The following ACSS2 variants were observed in gnomAD, a reference collection of about 807,000 sequenced individuals.
ACSS2 encodes the protein acetyl-coenzyme A synthetase, cytoplasmic.
In ACSS2, 58 loss-of-function variants were observed where a neutral mutation model predicts 90.6. The ratio of observed to expected loss-of-function variants is 0.64; its 90% CI spans 0.52 to 0.80. The LOEUF (loss-of-function observed/expected upper bound fraction) is 0.80. Among genes scored for constraint, ACSS2 ranks in the 30% least tolerant of loss-of-function variants. ACSS2 has a pLI of 0.00. For synonymous variants in ACSS2, 300 were observed against 330.9 expected, an observed-to-expected ratio of 0.91 and a Z score of 1.01; for missense variants, 759 against 912.0, an observed-to-expected ratio of 0.83 and a Z score of 2.16.
In ACSS2 at chr20:34,927,116, A is replaced by T. The variant is rs60098280; in HGVS notation, c.2008A>T (p.Ile670Phe). 6.2e-7 allele frequency: 1 copy of T among 1,614,148 alleles called. No individual in the cohort carries two copies. Among genetic ancestry groups the T allele is most frequent in the Non-Finnish European group, 8.5e-7 (1 of 1,180,008 alleles). ...GKIMRRVLRKIAQNDHDLGDM... is the reference protein window; with the variant it reads ...GKIMRRVLRKFAQNDHDLGDM... ...AATCATGAGGCGAGTGCTTCGGAAG[A>T]TTGCTCAGAATGACCATGACCTCGG... is the stretch of plus-strand genomic sequence containing the variant. Residue 670 changes from isoleucine (I) to phenylalanine (F), a missense_variant, in exon 18 of 18, where the codon ATT (isoleucine) becomes TTT (phenylalanine). Physicochemically the swap from Ile to Phe is conservative, Grantham distance 21. Coordinates refer to ENST00000360596, the MANE Select transcript of ACSS2 (RefSeq NM_018677.4). The surrounding 1 kb of genome is among the most constrained non-coding windows in gnomAD (Gnocchi z 4.2).
intron 2 of ACSS2, among the ~76,000 whole-genome samples, chr20:34,903,158 A>G (rs1468007655): frequency 6.6e-6 from 1 of 152,058 alleles, no homozygotes; most frequent in African/African-American, 2.4e-5. Flanking sequence ...ACTGGCTAAC[A>G]TGGTAAAACT....
intron 7 of ACSS2, among the ~76,000 whole-genome samples, chr20:34,918,406 A>C (rs1445665067): frequency 6.6e-6 from 1 of 152,230 alleles, no homozygotes; most frequent in Non-Finnish European, 1.5e-5. Flanking sequence ...GTGTTCAAAG[A>C]GGTGATATAG....
intron 2 of ACSS2, among the ~76,000 whole-genome samples, chr20:34,891,945 C>G (rs1176595486): frequency 1.3e-5 from 2 of 152,192 alleles, no homozygotes; most frequent in African/African-American, 4.8e-5. Flanking sequence ...TATCAGCTAC[C>G]TGAGTTTGTG....
chr20:34,879,106 G>A (rs995601844), intron 1 of ACSS2, among the ~76,000 whole-genome samples: 1 of 151,476 alleles, frequency 6.6e-6, no homozygotes, highest in African/African-American at 2.4e-5. Flanking sequence ...GGCTTTCACC[G>A]TGTTAGCCAG....
In ACSS2 at chr20:34,921,615, C is replaced by A; in HGVS notation, c.1467+15C>A. ...CCGGTTCTGCTGTGAGTGATGCTTCCCTGGCTGGTCTTGGGCTAGGCAGGG... is the reference window on the plus strand; with the variant it reads ...CCGGTTCTGCTGTGAGTGATGCTTCACTGGCTGGTCTTGGGCTAGGCAGGG... On this transcript the variant is annotated intron_variant, in intron 12 of 17. Transcript: ENST00000360596. The A allele has an allele frequency of 6.2e-7, 1 of 1,614,180 alleles. No homozygotes were observed. Among genetic ancestry groups the A allele is most frequent in the South Asian group, 1.1e-5 (1 of 91,082 alleles).
chr20:34,897,638 G>A (rs1305876053), intron 2 of ACSS2, among the ~76,000 whole-genome samples: 1 of 152,094 alleles, frequency 6.6e-6, no homozygotes, highest in African/African-American at 2.4e-5. Flanking sequence ...AGACCAGCCT[G>A]GCCAACATGG....
intron 2 of ACSS2, among the ~76,000 whole-genome samples, chr20:34,906,369 G>C (rs6142256): frequency 6.7e-6 from 1 of 149,970 alleles, no homozygotes; most frequent in Non-Finnish European, 1.5e-5. Context: ...TGATATCCTA[G>C]AGGGCTTGGG....
intron 2 of ACSS2, among the ~76,000 whole-genome samples, chr20:34,892,260 T>C (rs2080352804): frequency 6.6e-6 from 1 of 152,140 alleles, no homozygotes; most frequent in South Asian, 2.1e-4. Flanking sequence ...CAGCCCCACA[T>C]TTATAACAAT....
chr20:34,914,031 G>A (rs2081022946), intron 5 of ACSS2, 65 bp from the exon 6 acceptor site: 3 of 1,565,194 alleles, frequency 1.9e-6, no homozygotes, highest in Admixed American at 3.4e-5. Flanking sequence ...AGGGCCCTAT[G>A]GACATTGTGC....
chr20:34,907,661 CAT>C lies in ACSS2; in HGVS notation c.375-5434_375-5433del, dbSNP rs1233231447. On this transcript the variant is annotated intron_variant, in intron 2 of 17. Coordinates refer to ENST00000360596, the MANE Select transcript of ACSS2 (RefSeq NM_018677.4). ...GGTATGTGGTTTGCATATGGGGACACATGTGCTTGGGTATGTATATGTTGGCA... is the reference window on the plus strand; with the variant it reads ...GGTATGTGGTTTGCATATGGGGACACGTGCTTGGGTATGTATATGTTGGCA... 3.3e-5 allele frequency among the ~76,000 whole-genome samples: 5 copies of C among 152,218 alleles called. No individual in the cohort carries two copies. The South Asian group carries it at 6.2e-4, about 19-fold the overall frequency.
At chr20:34,921,981 TC>T in intron 13 of ACSS2, 115 bp downstream of exon 13, 1 of 1,497,730 alleles carries the variant, frequency 6.7e-7, no homozygotes, top group East Asian at 2.3e-5. Context: ...GACTGAAACT[TC>T]ATGGTTGGAG....
chr20:34,925,341 G>A (rs1334059578), intron 14 of ACSS2, among the ~76,000 whole-genome samples: 5 of 152,140 alleles, frequency 3.3e-5, no homozygotes, highest in Admixed American at 2.0e-4. Context: ...CCTCACCATA[G>A]GACTACTCAA....
chr20:34,895,353 C>A (rs2080437852), intron 2 of ACSS2, among the ~76,000 whole-genome samples: 2 of 152,158 alleles, frequency 1.3e-5, no homozygotes, highest in African/African-American at 4.8e-5. Flanking sequence ...CCAGTTATCA[C>A]CCAACATAAT....
chr20:34,905,198 T>C (rs906346227), intron 2 of ACSS2, among the ~76,000 whole-genome samples: 1 of 151,390 alleles, frequency 6.6e-6, no homozygotes, highest in Admixed American at 6.6e-5. Flanking sequence ...TATTATGGCA[T>C]GAACCACTGC....
At chr20:34,876,984 G>T (rs1203990849) in intron 1 of ACSS2, among the ~76,000 whole-genome samples, 161 bp downstream of exon 1, 2 of 152,202 alleles carry the variant, frequency 1.3e-5, no homozygotes, top group Non-Finnish European at 2.9e-5. Context: ...AGGGATTCCG[G>T]GAGGAGACGA....
intron 12 of ACSS2, 39 bp downstream of exon 12, chr20:34,921,639 G>A: frequency 6.2e-7 from 1 of 1,614,138 alleles, no homozygotes; most frequent in Non-Finnish European, 8.5e-7. Context: ...GGCTAGGCAG[G>A]GATGGTGTCT....
chr20:34,897,231 T>A (rs572144055), intron 2 of ACSS2, among the ~76,000 whole-genome samples: 3 of 152,336 alleles, frequency 2.0e-5, no homozygotes, highest in African/African-American at 7.2e-5. Context: ...TTATACCATA[T>A]AATTCACCCA....
At chr20:34,876,871 G>A (rs1164046099) in intron 1 of ACSS2, 48 bp downstream of exon 1, 2 of 1,217,806 alleles carry the variant, frequency 1.6e-6, no homozygotes, top group Non-Finnish European at 2.1e-6. Flanking sequence ...GGAGAAGAGT[G>A]GGGGCTCCCT....
In ACSS2 at chr20:34,919,546, A is replaced by G; in HGVS notation, c.946A>G (p.Thr316Ala). ...CGAGGACCCACTCTTCATCCTGTACACCAGTGGCTCCACAGGCAAACCCAA... is the reference window on the plus strand; with the variant it reads ...CGAGGACCCACTCTTCATCCTGTACGCCAGTGGCTCCACAGGCAAACCCAA... ...DAEDPLFILY[T>A]SGSTGKPKGV... is the part of the protein sequence containing the mutation. The change falls in exon 8 of 18, where the codon ACC (threonine) becomes GCC (alanine). Residue 316 changes from threonine (T) to alanine (A), a missense_variant. By Grantham distance (58) the Thr-to-Ala change is moderately conservative. Coordinates refer to ENST00000360596, the MANE Select transcript of ACSS2 (RefSeq NM_018677.4). 6.2e-7 allele frequency: 1 copy of G among 1,610,646 alleles called. No individual in the cohort carries two copies. Among genetic ancestry groups the G allele is most frequent in the South Asian group, 1.1e-5 (1 of 90,926 alleles).
Sources: gnomAD v4.1 joint callset for allele counts (sites outside exome capture counted in the v4.1 genomes callset) on GRCh38, gnomAD v4.1.1 for gene constraint, Gnocchi (gnomAD v3.1) non-coding constraint, MANE v1.5 for transcripts, NCBI Gene and HGNC (gene_info 2026-07-23, HGNC 2026-07-21) for gene names.